ADAM18: variants seen among roughly 807,000 people sequenced by gnomAD.
The protein encoded by ADAM18 is ADAM metallopeptidase domain 18, also known as disintegrin and metalloproteinase domain-containing protein 18.
In ADAM18, 117 loss-of-function variants were observed where a neutral mutation model predicts 94.4. That is an observed-to-expected ratio of 1.24 (90% confidence interval 1.07 to 1.45). The LOEUF is 1.45. Among genes scored for constraint, ADAM18 ranks in the 40% most tolerant of loss-of-function variants. The pLI is 0.00. For synonymous variants in ADAM18, 327 were observed against 291.6 expected (o/e 1.12, Z -1.24); for missense variants, 936 against 880.0 (o/e 1.06, Z -0.81).
intron 6 of ADAM18, among the ~76,000 whole-genome samples, chr8:39,615,245 G>A (rs1585900599): frequency 1.3e-5 from 2 of 150,212 alleles, no homozygotes; most frequent in Middle Eastern, 3.5e-3. Flanking sequence ...AAAAACATAC[G>A]GACCACACTT....
At chr8:39,708,170 A>G (rs1663211302) in intron 18 of ADAM18, among the ~76,000 whole-genome samples, 1 of 152,152 alleles carries the variant, frequency 6.6e-6, no homozygotes, top group Admixed American at 6.5e-5. Flanking sequence ...TTCATTTAAT[A>G]TTTTCAGACA....
intron 2 of ADAM18, among the ~76,000 whole-genome samples, chr8:39,587,939 T>C (rs1331605729): frequency 1.3e-5 from 2 of 152,238 alleles, no homozygotes; most frequent in African/African-American, 2.4e-5. Context: ...ATTCATGTCA[T>C]TGAACATTTG....
At chr8:39,718,298 G>T (rs1005836975) in intron 18 of ADAM18, among the ~76,000 whole-genome samples, 5 of 151,504 alleles carry the variant, frequency 3.3e-5, no homozygotes, top group African/African-American at 9.7e-5. Flanking sequence ...TACTCAAGAT[G>T]TGGAAACTAC....
chr8:39,660,111 T>A (rs974170372), intron 12 of ADAM18, among the ~76,000 whole-genome samples: 13 of 151,778 alleles, frequency 8.6e-5, no homozygotes, highest in African/African-American at 2.9e-4. Flanking sequence ...GGTGCACAAA[T>A]GAGAAAGGAA....
chr8:39,657,770 T>C (rs1820728083), intron 12 of ADAM18, among the ~76,000 whole-genome samples: 1 of 152,304 alleles, frequency 6.6e-6, no homozygotes, highest in East Asian at 1.9e-4. Context: ...AAAAGTAATA[T>C]ATTGGAAATT....
rs142986500 is a variant in ADAM18, at chr8:39,610,622, T to C, written c.438T>C (p.Asn146=). The C allele has an allele frequency of 6.4e-5, 103 of 1,612,918 alleles. No homozygotes were observed. The highest frequency in any genetic ancestry group is 8.4e-5 in the Non-Finnish European group (99 of 1,179,366). The part of the protein sequence containing the change: ...FEHIIYQMKN[N]DPNVSILAVN... ...ATATAATTTATCAAATGAAAAATAA[T>C]GATCCAAATGTATCCATTTTAGCAG... is the stretch of plus-strand genomic sequence containing the variant. Residue 146 remains asparagine (N), a synonymous_variant, in exon 6 of 20, where the codon AAT becomes AAC. Transcript: ENST00000265707.
chr8:39,692,659 C>G lies in ADAM18; in HGVS notation c.1881C>G (p.Thr627=), dbSNP rs148079872. ...VHLMGYNCNA[T]TKCKGKGICN... is the part of the protein sequence containing the mutation. Reference sequence around the variant, plus strand: ...TAATGGGATATAACTGTAATGCCACCACAAAATGCAAAGGGAAAGGGGTAA... The same window carrying G: ...TAATGGGATATAACTGTAATGCCACGACAAAATGCAAAGGGAAAGGGGTAA... The change falls in exon 17 of 20, where the codon ACC becomes ACG. Residue 627 remains threonine, a synonymous_variant. Transcript: ENST00000265707. 3 of 1,603,012 alleles carry G rather than the reference C, an allele frequency of 1.9e-6. No homozygotes were observed. The African/African-American group carries it at 4.0e-5, about 22-fold the overall frequency.
intron 17 of ADAM18, among the ~76,000 whole-genome samples, chr8:39,696,423 G>A (rs1563310578): frequency 6.6e-6 from 1 of 151,242 alleles, no homozygotes; most frequent in East Asian, 1.9e-4. Flanking sequence ...CTGGTCTTCT[G>A]TTTAATATTA....
rs578104016 is a variant in ADAM18 at position 39,718,896 on chromosome 8, T to C, written c.2018-4852T>C. 2.0e-5 allele frequency among the ~76,000 whole-genome samples: 3 copies of C among 149,644 alleles called. No individual in the cohort carries two copies. The South Asian group carries it at 6.3e-4, about 32-fold the overall frequency. On this transcript the variant is annotated intron_variant, in intron 18 of 19. Transcript: ENST00000265707. ...TTTTCATAGATCAAAAGATTCACTA[T>C]TGTTAAAAGAGCAGAAATCTCTAAA...
chr8:39,723,160 CTTT>C (rs1396457855), intron 18 of ADAM18, among the ~76,000 whole-genome samples: 4 of 143,718 alleles, frequency 2.8e-5, no homozygotes, highest in African/African-American at 1.0e-4. Flanking sequence ...GATATCTCAA[CTTT>C]TTAAGTATTA....
At chr8:39,660,951 T>C (rs2129579992) in intron 12 of ADAM18, among the ~76,000 whole-genome samples, 1 of 152,236 alleles carries the variant, frequency 6.6e-6, no homozygotes, top group East Asian at 1.9e-4. Flanking sequence ...GAAGTTGAAG[T>C]TTTAAATGTT....
intron 7 of ADAM18, among the ~76,000 whole-genome samples, chr8:39,634,736 C>A (rs547816835): frequency 6.6e-6 from 1 of 152,296 alleles, no homozygotes; most frequent in South Asian, 2.1e-4. Context: ...CATAGACTCA[C>A]AGCTGGAAAT....
chr8:39,588,594 G>T lies in ADAM18; in HGVS notation c.132+3242G>T, dbSNP rs551852523. On this transcript the variant is annotated intron_variant, in intron 2 of 19. Transcript: ENST00000265707. ...GTTTCAAACTTTCTGTTTTATCTAA[G>T]TATACATATGGAAGCCATAGTGCCA... Among the ~76,000 whole-genome samples, 331 of 152,120 alleles carry T rather than the reference G, an allele frequency of 2.2e-3. 1 individual carries two copies. Among genetic ancestry groups the T allele is most frequent in the Non-Finnish European group, 4.0e-3 (271 of 67,998 alleles).
intron 12 of ADAM18, among the ~76,000 whole-genome samples, chr8:39,654,465 A>C (rs1339655185): frequency 6.6e-6 from 1 of 152,008 alleles, no homozygotes; most frequent in Non-Finnish European, 1.5e-5. Flanking sequence ...GGTTGATTAC[A>C]CACCTTGGCT....
chr8:39,667,946 A>G (rs1821035710), intron 13 of ADAM18, 52 bp from the exon 14 acceptor site: 8 of 1,528,802 alleles, frequency 5.2e-6, no homozygotes, highest in South Asian at 1.1e-5. Context: ...TCACTAAGCA[A>G]TTGAGAAAAA....
intron 12 of ADAM18, among the ~76,000 whole-genome samples, chr8:39,649,168 C>T (rs1298184861): frequency 6.6e-6 from 1 of 151,990 alleles, no homozygotes; most frequent in African/African-American, 2.4e-5. Flanking sequence ...ATTTATCCCC[C>T]AACAGTTACA....
chr8:39,670,838 G>A (rs982381374), intron 14 of ADAM18, among the ~76,000 whole-genome samples: 1 of 152,224 alleles, frequency 6.6e-6, no homozygotes, highest in Non-Finnish European at 1.5e-5. Context: ...TGCAAAGAGA[G>A]CTTTTGCCCA....
chr8:39,719,270 A>C (rs1478217592), intron 18 of ADAM18, among the ~76,000 whole-genome samples: 1 of 151,490 alleles, frequency 6.6e-6, no homozygotes, highest in Non-Finnish European at 1.5e-5. Flanking sequence ...TGCTAGAATA[A>C]TTATATATTT....
intron 18 of ADAM18, among the ~76,000 whole-genome samples, chr8:39,723,036 T>G (rs1422639837): frequency 6.6e-6 from 1 of 151,530 alleles, no homozygotes; most frequent in Non-Finnish European, 1.5e-5. Flanking sequence ...TGCTTTGGAA[T>G]TATAACAGGA....
Sources: gnomAD v4.1 joint callset for allele counts (sites outside exome capture counted in the v4.1 genomes callset) on GRCh38, gnomAD v4.1.1 for gene constraint, MANE v1.5 for transcripts, NCBI Gene and HGNC (gene_info 2026-07-23, HGNC 2026-07-21) for gene names.